IKZF3: variants seen among roughly 807,000 people sequenced by gnomAD.
IKZF3 encodes the protein IKAROS family zinc finger 3, also known as zinc finger protein Aiolos.
IKZF3 carries 10 observed loss-of-function variants against 49.0 expected under a neutral mutation model. That is an observed-to-expected ratio of 0.20 (90% confidence interval 0.13 to 0.35). IKZF3 has a LOEUF of 0.35. IKZF3 is among the 10% of genes least tolerant of loss of function. IKZF3 has a pLI of 1.00. For missense variants in IKZF3, 498 were observed against 664.8 expected (o/e 0.75, Z 2.76); for synonymous variants, 209 against 228.2 (o/e 0.92, Z 0.76).
In IKZF3 at chr17:39,831,846, C is replaced by A. The variant is rs140306452; in HGVS notation, c.61+252G>T. ...TCTTCAGAGCAATGAGCTGAAAAAT[C>A]AAAAACAAACAAACAAACAAACAAA... On this transcript the variant is annotated intron_variant, in intron 2 of 7. Transcript: ENST00000346872. Among the ~76,000 whole-genome samples, 871 of 152,102 alleles carry A rather than the reference C, an allele frequency of 5.7e-3. 10 individuals are homozygous for A. The highest frequency in any genetic ancestry group is 0.019 in the African/African-American group (795 of 41,462).
chr17:39,803,699 G>C (rs1266345296), intron 3 of IKZF3, among the ~76,000 whole-genome samples: 1 of 152,008 alleles, frequency 6.6e-6, no homozygotes, highest in African/African-American at 2.4e-5. Flanking sequence ...TTTTAGTAGA[G>C]GCAGGGTTTC....
chr17:39,812,651 G>A (rs557424345), intron 3 of IKZF3, among the ~76,000 whole-genome samples: 7 of 152,284 alleles, frequency 4.6e-5, no homozygotes, highest in South Asian at 4.2e-4. Context: ...ACAATGGCTC[G>A]GGTCACCGTG....
chr17:39,791,774 C>T (rs576552698), intron 4 of IKZF3, among the ~76,000 whole-genome samples, 191 bp from the exon 5 acceptor site: 129 of 152,128 alleles, frequency 8.5e-4, no homozygotes, highest in Non-Finnish European at 7.8e-4. Context: ...GAAAAAGCAC[C>T]CACTAGCAAG....
At chr17:39,774,725 T>G (rs574146240) in intron 7 of IKZF3, among the ~76,000 whole-genome samples, 17 of 152,326 alleles carry the variant, frequency 1.1e-4, no homozygotes, top group African/African-American at 4.1e-4. Flanking sequence ...ACCTTCTGTA[T>G]GATGAATGAA....
intron 7 of IKZF3, among the ~76,000 whole-genome samples, chr17:39,767,343 G>A (rs2060319720): frequency 6.6e-6 from 1 of 152,204 alleles, no homozygotes; most frequent in Non-Finnish European, 1.5e-5. Flanking sequence ...CACCTTCAGA[G>A]TGTGTGGGTG....
intron 4 of IKZF3, among the ~76,000 whole-genome samples, chr17:39,791,998 A>C (rs774548480): frequency 4.7e-5 from 7 of 148,550 alleles, no homozygotes; most frequent in Non-Finnish European, 1.0e-4. Context: ...GGTTCAAGTG[A>C]GCCTGTCACC....
At chr17:39,857,961 T>C (rs917265942) in intron 1 of IKZF3, among the ~76,000 whole-genome samples, 1 of 116,094 alleles carries the variant, frequency 8.6e-6, no homozygotes, top group Admixed American at 8.3e-5. Context: ...ATCTCAAAAA[T>C]TAAAAAAAAA....
At chr17:39,777,943 C>G (rs750237413) in intron 6 of IKZF3, 176 bp from the exon 7 acceptor site, 3 of 1,310,002 alleles carry the variant, frequency 2.3e-6, no homozygotes, top group South Asian at 4.3e-5. Context: ...GAAGCCGACA[C>G]CAGGGCACAT....
chr17:39,773,939 T>A lies in IKZF3; in HGVS notation c.826+3712A>T, dbSNP rs914646094. Among the ~76,000 whole-genome samples the A allele has an allele frequency of 8.7e-5, 4 of 46,086 alleles. No individual in the cohort carries two copies. In the Admixed American group the frequency reaches 1.2e-3, roughly 14 times the overall value. The allele number at this position is 46,086 out of a possible 152,430, so 30.2% of individuals were successfully genotyped here. A position where few individuals can be genotyped will look rare whatever the true frequency, so the allele number is the denominator to read the frequency against. ...TAAAGATGGTGATTCCTGATGGACG[T>A]GTGTCCATTTTTTTTTTTCCCATTT... On this transcript the variant is annotated intron_variant, in intron 7 of 7. Coordinates refer to ENST00000346872, the MANE Select transcript of IKZF3 (RefSeq NM_012481.5).
intron 1 of IKZF3, among the ~76,000 whole-genome samples, chr17:39,841,267 G>A (rs900614580): frequency 6.6e-5 from 10 of 152,084 alleles, no homozygotes; most frequent in Non-Finnish European, 1.3e-4. Context: ...CAGGGAGGAG[G>A]ACTGCCTGGC....
chr17:39,824,727 G>C (rs565591222), intron 3 of IKZF3, among the ~76,000 whole-genome samples: 5 of 149,194 alleles, frequency 3.4e-5, no homozygotes, highest in Non-Finnish European at 7.4e-5. Context: ...ACGGAGTCTC[G>C]CTTTGTCACC....
chr17:39,857,882 A>T (rs2063106838), intron 1 of IKZF3, among the ~76,000 whole-genome samples: 1 of 151,748 alleles, frequency 6.6e-6, no homozygotes, highest in Admixed American at 6.6e-5. Flanking sequence ...CCAGCTACTC[A>T]AGAGGATGAG....
intron 3 of IKZF3, among the ~76,000 whole-genome samples, chr17:39,807,303 T>C (rs1299529214): frequency 6.6e-6 from 1 of 152,048 alleles, no homozygotes; most frequent in Admixed American, 6.5e-5. Flanking sequence ...TAAAGACTTG[T>C]ACATAAATGT....
chr17:39,773,231 C>CCGAGGTCTGGCGCTGCTCTGT (rs1284333724), intron 7 of IKZF3, among the ~76,000 whole-genome samples: 2 of 152,176 alleles, frequency 1.3e-5, no homozygotes, highest in African/African-American at 4.8e-5. Context: ...GCCTTATAGG[C>CCGAGGTCTGGCGCTGCTCTGT]CGAGGTCTGG....
intron 3 of IKZF3, among the ~76,000 whole-genome samples, chr17:39,821,687 T>A (rs2061814002): frequency 6.6e-6 from 1 of 152,168 alleles, no homozygotes; most frequent in East Asian, 1.9e-4. Flanking sequence ...GGCCTGAACT[T>A]CGGATGCTAG....
intron 1 of IKZF3, among the ~76,000 whole-genome samples, chr17:39,857,098 A>T (rs1038115928): frequency 6.6e-6 from 1 of 152,336 alleles, no homozygotes; most frequent in South Asian, 2.1e-4. Context: ...AGTGATTTTT[A>T]GCAGTCTAGG....
chr17:39,807,889 G>T (rs1207827988), intron 3 of IKZF3, among the ~76,000 whole-genome samples: 1 of 152,016 alleles, frequency 6.6e-6, no homozygotes, highest in East Asian at 1.9e-4. Context: ...GCAAGAATGG[G>T]GATCAACTAC....
At position 39,762,268 on chromosome 17, in the gene IKZF3, T is replaced by TA. The variant is rs999570541; in HGVS notation, c.*3521dup. On this transcript the variant is annotated 3_prime_UTR_variant, in exon 8 of 8. Coordinates refer to ENST00000346872, the MANE Select transcript of IKZF3 (RefSeq NM_012481.5). ...TCCCCAGCCCTGGCAAGGGGTTTGT[T>TA]AATTAGTACAGCATAAGGGGTATGT... 6.6e-6 allele frequency: 1 copy of TA among 152,276 alleles called. No individual in the cohort carries two copies. The highest frequency in any genetic ancestry group is 1.5e-5 in the Non-Finnish European group (1 of 68,082). 9.4% of individuals were successfully genotyped at this position (152,276 alleles called of 1,614,324 possible).
intron 3 of IKZF3, among the ~76,000 whole-genome samples, chr17:39,793,899 T>C (rs1567986861): frequency 6.6e-6 from 1 of 152,270 alleles, no homozygotes; most frequent in Non-Finnish European, 1.5e-5. Flanking sequence ...GGCAAATTTA[T>C]GTACTTGCAC....
Sources: gnomAD v4.1 joint callset for allele counts (sites outside exome capture counted in the v4.1 genomes callset) on GRCh38, gnomAD v4.1.1 for gene constraint, MANE v1.5 for transcripts, NCBI Gene and HGNC (gene_info 2026-07-23, HGNC 2026-07-21) for gene names.